EYS: variants seen among roughly 807,000 people sequenced by gnomAD.
EYS encodes the protein protein eyes shut homolog.
EYS carries 250 observed loss-of-function variants against 282.1 expected under a neutral mutation model. That is an observed-to-expected ratio of 0.89 (90% CI 0.80 to 0.98). The LOEUF is 0.98. EYS is among the 50% of genes least tolerant of loss of function. The pLI, the probability that EYS is intolerant of heterozygous loss-of-function variation, is 0.00. For synonymous variants in EYS, 1,355 were observed against 1,282.9 expected (o/e 1.06, Z -1.20); for missense variants, 4,016 against 3,709.0 (o/e 1.08, Z -2.15).
At chr6:65,289,913 A>G (rs2150282151) in intron 12 of EYS, among the ~76,000 whole-genome samples, 1 of 151,336 alleles carries the variant, frequency 6.6e-6, no homozygotes, top group South Asian at 2.1e-4. Flanking sequence ...TTTATTAATG[A>G]TACATTAACA....
At chr6:65,678,534 T>C (rs1385374492) in intron 1 of EYS, among the ~76,000 whole-genome samples, 2 of 152,018 alleles carry the variant, frequency 1.3e-5, no homozygotes, top group African/African-American at 4.8e-5. Context: ...AGCTTTATAA[T>C]GTTGGTGCAG....
chr6:64,674,286 T>C (rs1383281976), intron 22 of EYS, among the ~76,000 whole-genome samples: 1 of 152,124 alleles, frequency 6.6e-6, no homozygotes, highest in Non-Finnish European at 1.5e-5. Flanking sequence ...AATTGTTCAA[T>C]AGGTGCTCTG....
rs116274856 is a variant in EYS, at chr6:64,136,721, G to T, written c.6425-54719C>A. Among the ~76,000 whole-genome samples the T allele has an allele frequency of 5.1e-3, 773 of 152,168 alleles. 1 individual carries two copies. The highest frequency in any genetic ancestry group is 0.018 in the African/African-American group (741 of 41,538). ...CTGAGCAGCAGGGTCTCAATAGTGG[G>T]CTTAAAATAGTCATTAAAGCATGTT... On this transcript the variant is annotated intron_variant, in intron 31 of 42. Coordinates refer to ENST00000503581, the MANE Select transcript of EYS (RefSeq NM_001142800.2).
At chr6:65,377,578 A>G (rs1222341107) in intron 8 of EYS, among the ~76,000 whole-genome samples, 1 of 152,132 alleles carries the variant, frequency 6.6e-6, no homozygotes, top group Non-Finnish European at 1.5e-5. Context: ...AAATCATTGA[A>G]TCAAGGAGCT....
intron 24 of EYS, 53 bp from the exon 25 acceptor site, chr6:64,593,362 G>T: frequency 7.1e-7 from 1 of 1,408,382 alleles, no homozygotes; most frequent in Non-Finnish European, 9.6e-7. Flanking sequence ...TTGTTCCTAA[G>T]AGAAATTGTA....
intron 26 of EYS, among the ~76,000 whole-genome samples, chr6:64,583,478 A>G (rs1281647131): frequency 6.6e-6 from 1 of 151,484 alleles, no homozygotes; most frequent in African/African-American, 2.4e-5. Flanking sequence ...TAGACCATCA[A>G]TGAACACTTG....
chr6:63,742,669 T>C (rs1008972964), intron 41 of EYS, among the ~76,000 whole-genome samples: 5 of 152,180 alleles, frequency 3.3e-5, no homozygotes, highest in African/African-American at 1.2e-4. Flanking sequence ...ATACTACCCC[T>C]ACCCCACAAT....
intron 31 of EYS, among the ~76,000 whole-genome samples, chr6:64,093,074 C>T (rs1772432473): frequency 6.6e-6 from 1 of 152,040 alleles, no homozygotes. Context: ...AGATATGTGG[C>T]ATTATTTCTG....
intron 22 of EYS, among the ~76,000 whole-genome samples, chr6:64,784,726 A>G (rs931811948): frequency 3.3e-5 from 5 of 151,958 alleles, no homozygotes; most frequent in African/African-American, 1.2e-4. Flanking sequence ...CAAGCCATCA[A>G]CCACTTTTCA....
chr6:65,550,924 A>T (rs1768591630), intron 2 of EYS, among the ~76,000 whole-genome samples: 1 of 21,396 alleles, frequency 4.7e-5, no homozygotes, highest in Non-Finnish European at 6.7e-5. Flanking sequence ...ACTGACTTCC[A>T]CAATGGTTGA....
chr6:65,189,607 G>A (rs748573233), intron 12 of EYS, among the ~76,000 whole-genome samples: 7 of 151,652 alleles, frequency 4.6e-5, no homozygotes, highest in East Asian at 1.9e-4. Context: ...TTTCTTTTAC[G>A]TTAAAGAAGG....
intron 2 of EYS, among the ~76,000 whole-genome samples, chr6:65,516,100 GAAAT>G (rs956534040): frequency 4.0e-5 from 6 of 150,896 alleles, no homozygotes; most frequent in Non-Finnish European, 8.9e-5. Context: ...AGGAAGGAAA[GAAAT>G]AAGAAAGGTA....
chr6:64,824,668 G>A (rs577778502), intron 19 of EYS, among the ~76,000 whole-genome samples: 9 of 151,886 alleles, frequency 5.9e-5, no homozygotes, highest in Admixed American at 5.9e-4. Flanking sequence ...AAGTGTGGGG[G>A]CAGGGACAGA....
intron 22 of EYS, among the ~76,000 whole-genome samples, chr6:64,627,024 G>A (rs920105214): frequency 6.6e-6 from 1 of 152,134 alleles, no homozygotes; most frequent in Admixed American, 6.5e-5. Flanking sequence ...TTTTAGGGAC[G>A]CTTTAATAAA....
chr6:65,501,860 A>G (rs1766466311), intron 2 of EYS, among the ~76,000 whole-genome samples: 1 of 151,702 alleles, frequency 6.6e-6, no homozygotes, highest in Non-Finnish European at 1.5e-5. Context: ...AAATATTATT[A>G]TTAAACAGAA....
intron 36 of EYS, among the ~76,000 whole-genome samples, chr6:63,824,146 G>A (rs1346676155): frequency 6.6e-6 from 1 of 152,140 alleles, no homozygotes; most frequent in Non-Finnish European, 1.5e-5. Flanking sequence ...ATATGTCACA[G>A]GCAAGTTCTA....
At chr6:64,087,269 T>C (rs922625969) in intron 31 of EYS, among the ~76,000 whole-genome samples, 2 of 152,100 alleles carry the variant, frequency 1.3e-5, no homozygotes, top group African/African-American at 4.8e-5. Context: ...GACTACTACA[T>C]CCCAAATACT....
intron 13 of EYS, among the ~76,000 whole-genome samples, chr6:65,030,907 A>G (rs999169555): frequency 1.3e-5 from 2 of 152,130 alleles, no homozygotes; most frequent in African/African-American, 4.8e-5. Context: ...TAAGAGACCC[A>G]TATTCCATGC....
intron 18 of EYS, among the ~76,000 whole-genome samples, chr6:64,899,193 C>T (rs747690495): frequency 8.5e-5 from 13 of 152,050 alleles, no homozygotes; most frequent in Non-Finnish European, 1.6e-4. Flanking sequence ...CTAAAATCGA[C>T]CACATAATTG....
Sources: gnomAD v4.1 joint callset for allele counts (sites outside exome capture counted in the v4.1 genomes callset) on GRCh38, gnomAD v4.1.1 for gene constraint, MANE v1.5 for transcripts, NCBI Gene and HGNC (gene_info 2026-07-23, HGNC 2026-07-21) for gene names.